AKAP7: variants seen among roughly 807,000 people sequenced by gnomAD.
AKAP7 encodes the protein A-kinase anchoring protein 7, also known as A kinase (PRKA) anchor protein 7.
A neutral mutation model predicts 39.5 loss-of-function variants in AKAP7; 39 were observed. The ratio of observed to expected loss-of-function variants is 0.99; its 90% CI spans 0.76 to 1.29. AKAP7 has a LOEUF of 1.29. Among genes scored for constraint, AKAP7 ranks in the 50% most tolerant of loss-of-function variants. The probability of loss-of-function intolerance (pLI) is 0.00; values close to 1 mark genes in which losing one functional copy is unlikely to be tolerated. For missense variants in AKAP7, 414 were observed against 407.7 expected (o/e 1.02, Z -0.13); for synonymous variants, 140 against 139.1 (o/e 1.01, Z -0.05).
intron 7 of AKAP7, among the ~76,000 whole-genome samples, chr6:131,268,287 G>T (rs902164022): frequency 6.6e-6 from 1 of 152,152 alleles, no homozygotes; most frequent in Non-Finnish European, 1.5e-5. Context: ...CTAATTCGTA[G>T]TGAGGGAATT....
At chr6:131,174,814 T>C (rs1421469926) in intron 5 of AKAP7, among the ~76,000 whole-genome samples, 1 of 152,218 alleles carries the variant, frequency 6.6e-6, no homozygotes, top group Admixed American at 6.5e-5. Context: ...TTCAAAATAA[T>C]GGAGACAGAG....
chr6:131,256,506 G>A (rs948722743), intron 7 of AKAP7, among the ~76,000 whole-genome samples: 1 of 152,096 alleles, frequency 6.6e-6, no homozygotes, highest in African/African-American at 2.4e-5. Flanking sequence ...GGAATAGCAA[G>A]GTTGTAGAAT....
chr6:131,261,192 G>A (rs1235861433), intron 7 of AKAP7, among the ~76,000 whole-genome samples: 1 of 136,556 alleles, frequency 7.3e-6, no homozygotes, highest in Admixed American at 7.8e-5. Context: ...TGGGCAACAA[G>A]AGCAAAACTC....
chr6:131,155,442 A>G (rs1441174230), intron 2 of AKAP7, among the ~76,000 whole-genome samples: 1 of 152,206 alleles, frequency 6.6e-6, no homozygotes, highest in African/African-American at 2.4e-5. Flanking sequence ...ATCTATTATT[A>G]AAGTTCCCCA....
chr6:131,179,429 C>T (rs1442939105), intron 5 of AKAP7, among the ~76,000 whole-genome samples: 6 of 152,174 alleles, frequency 3.9e-5, no homozygotes, highest in Admixed American at 1.3e-4. Flanking sequence ...CTGCCTGGGC[C>T]TCCCAAAGTG....
intron 7 of AKAP7, chr6:131,250,148 T>A: frequency 1.0e-6 from 1 of 987,382 alleles, no homozygotes; most frequent in Non-Finnish European, 1.2e-6. Flanking sequence ...GGGGTTTGAA[T>A]TTTCATGTGT....
chr6:131,147,947 A>C (rs1158204565), intron 2 of AKAP7, among the ~76,000 whole-genome samples: 2 of 152,254 alleles, frequency 1.3e-5, no homozygotes, highest in Non-Finnish European at 2.9e-5. Context: ...CCCAGAGAGC[A>C]AATAGTGTTT....
chr6:131,240,101 C>G (rs2128312052), intron 7 of AKAP7, among the ~76,000 whole-genome samples: 1 of 152,314 alleles, frequency 6.6e-6, no homozygotes, highest in Admixed American at 6.5e-5. Context: ...GATGTCCTTT[C>G]TGTTTGTTAG....
chr6:131,219,377 A>G (rs1809501928), intron 6 of AKAP7, among the ~76,000 whole-genome samples: 3 of 152,060 alleles, frequency 2.0e-5, no homozygotes, highest in Non-Finnish European at 2.9e-5. Flanking sequence ...TTAACTCAGT[A>G]TACTTTATTA....
At chr6:131,180,558 T>G (rs1805083826) in intron 5 of AKAP7, among the ~76,000 whole-genome samples, 1 of 152,170 alleles carries the variant, frequency 6.6e-6, no homozygotes, top group Middle Eastern at 3.2e-3. Flanking sequence ...CCTAGAATCT[T>G]TAAAATTTAA....
At chr6:131,130,052 TTAG>T in the AKAP7 span, among the ~76,000 whole-genome samples, 2 of 152,006 alleles carry the variant, frequency 1.3e-5, no homozygotes, top group African/African-American at 4.8e-5. Flanking sequence ...ATGAGTCAAT[TTAG>T]TAGTAGTTCC....
intron 1 of AKAP7, chr6:131,136,946 A>G: frequency 2.6e-6 from 2 of 771,850 alleles, no homozygotes; most frequent in Non-Finnish European, 1.6e-6. Context: ...GTATGTACTT[A>G]TGTATGTATG....
Position 131,138,183 on chromosome 6 carries a change from A to G in AKAP7, c.19+2401A>G, listed in dbSNP as rs142898349. Among the ~76,000 whole-genome samples the G allele has an allele frequency of 1.3e-3, 197 of 152,124 alleles. 1 individual carries two copies. The highest frequency in any genetic ancestry group is 4.0e-3 in the African/African-American group (166 of 41,496). ...TATCTCCATGAGTTCAAATGTTTTA[A>G]TTTTAGTTCCCACAAATAAGTGAGA... is the stretch of plus-strand genomic sequence containing the variant. On this transcript the variant is annotated intron_variant, in intron 1 of 7. Coordinates refer to ENST00000431975, the MANE Select transcript of AKAP7 (RefSeq NM_016377.4).
chr6:131,248,728 T>G (rs540993658), intron 7 of AKAP7, among the ~76,000 whole-genome samples: 1 of 152,360 alleles, frequency 6.6e-6, no homozygotes, highest in African/African-American at 2.4e-5. Flanking sequence ...TTCTGATGTT[T>G]CCATTTTTAG....
At chr6:131,213,026 G>A (rs748429854) in intron 6 of AKAP7, among the ~76,000 whole-genome samples, 3 of 152,144 alleles carry the variant, frequency 2.0e-5, no homozygotes, top group Non-Finnish European at 4.4e-5. Flanking sequence ...GGTATCTGAG[G>A]TACAGTTATG....
intron 2 of AKAP7, among the ~76,000 whole-genome samples, chr6:131,156,808 T>C (rs1441875919): frequency 6.6e-6 from 1 of 151,654 alleles, no homozygotes; most frequent in Non-Finnish European, 1.5e-5. Context: ...AGTCTCACTC[T>C]GTCACCCAGG....
At chr6:131,170,251 AC>A (rs1430803404) in intron 5 of AKAP7, among the ~76,000 whole-genome samples, 1 of 151,706 alleles carries the variant, frequency 6.6e-6, no homozygotes, top group Non-Finnish European at 1.5e-5. Flanking sequence ...TACATATGTA[AC>A]TAACCTGCAC....
At position 131,242,416 on chromosome 6, in the gene AKAP7, A is replaced by G. The variant is rs137870555; in HGVS notation, c.850+22608A>G. On this transcript the variant is annotated intron_variant, in intron 7 of 7. Coordinates refer to ENST00000431975, the MANE Select transcript of AKAP7 (RefSeq NM_016377.4). ...TCTCCAGCCATGTATTACAATTACA[A>G]TTTTGTTTATTAGTGTGGAAGCATG... Among the ~76,000 whole-genome samples, 185 of 151,946 alleles carry G rather than the reference A, an allele frequency of 1.2e-3. 1 individual carries two copies. Among genetic ancestry groups the G allele is most frequent in the African/African-American group, 4.1e-3 (169 of 41,464 alleles).
chr6:131,230,724 A>G (rs1333608523), intron 7 of AKAP7, among the ~76,000 whole-genome samples: 1 of 152,136 alleles, frequency 6.6e-6, no homozygotes, highest in Admixed American at 6.6e-5. Context: ...ACATGTTACT[A>G]TAAAGTCATG....
Sources: allele counts gnomAD v4.1 joint callset (sites outside exome capture counted in the v4.1 genomes callset), GRCh38; gene constraint gnomAD v4.1.1; transcripts MANE v1.5; gene names NCBI Gene and HGNC (gene_info 2026-07-23, HGNC 2026-07-21).